The following LEKR1 variants were observed in gnomAD, a reference collection of about 807,000 sequenced individuals.
The protein encoded by LEKR1 is leucine, glutamate and lysine rich 1.
LEKR1 carries 59 observed loss-of-function variants against 72.4 expected under a neutral mutation model. The observed-to-expected ratio is 0.82, with a 90% confidence interval of 0.66 to 1.01. The LOEUF is 1.01. Ranked by LOEUF, LEKR1 falls within the 50% of genes least tolerant of loss-of-function variation. The pLI is 0.00. For synonymous variants in LEKR1, 257 were observed against 263.2 expected, an observed-to-expected ratio of 0.98 and a Z score of 0.23; for missense variants, 728 against 759.2, an observed-to-expected ratio of 0.96 and a Z score of 0.48.
At chr3:157,011,765 T>TG (rs201546101) in intron 10 of LEKR1, among the ~76,000 whole-genome samples, 1 of 151,918 alleles carries the variant, frequency 6.6e-6, no homozygotes. Context: ...GCATTTTTTT[T>TG]GCTTTTAAAT....
intron 6 of LEKR1, among the ~76,000 whole-genome samples, chr3:156,970,441 T>C (rs1048389941): frequency 3.9e-5 from 6 of 152,210 alleles, no homozygotes; most frequent in Non-Finnish European, 5.9e-5. Context: ...TAGGTTTTCT[T>C]CTAGGGTTTT....
intron 7 of LEKR1, 30 bp from the exon 8 acceptor site, chr3:156,992,623 T>C (rs868520751): frequency 5.1e-5 from 22 of 433,236 alleles, no homozygotes; most frequent in African/African-American, 4.4e-4. Context: ...TTTGAAATAA[T>C]ATATTTTAAC....
chr3:156,845,962 C>T (rs1045928488), intron 2 of LEKR1, among the ~76,000 whole-genome samples: 3 of 152,022 alleles, frequency 2.0e-5, no homozygotes, highest in Non-Finnish European at 4.4e-5. Context: ...GTATCTCTCT[C>T]CGTTTATTTA....
chr3:156,901,100 G>A (rs1439776308), intron 3 of LEKR1, among the ~76,000 whole-genome samples: 1 of 150,528 alleles, frequency 6.6e-6, no homozygotes, highest in African/African-American at 2.5e-5. Context: ...CCAGTAGCTG[G>A]GATTATACGT....
intron 6 of LEKR1, among the ~76,000 whole-genome samples, chr3:156,953,611 T>TTTTGGTG (rs1333478906): frequency 1.3e-5 from 2 of 151,276 alleles, no homozygotes; most frequent in Non-Finnish European, 3.0e-5. Context: ...GGTTTGTGGT[T>TTTTGGTG]TTTGGTGTTT....
chr3:156,905,076 G>A (rs554558344), intron 3 of LEKR1, among the ~76,000 whole-genome samples: 10 of 152,108 alleles, frequency 6.6e-5, no homozygotes, highest in South Asian at 2.1e-4. Flanking sequence ...GGAGAGGTGG[G>A]GAGAGAGAGA....
chr3:156,938,802 A>G (rs1196784438), intron 5 of LEKR1, among the ~76,000 whole-genome samples: 1 of 152,216 alleles, frequency 6.6e-6, no homozygotes, highest in Non-Finnish European at 1.5e-5. Context: ...TGTATTTGTA[A>G]TATCAGAATG....
At chr3:156,902,473 T>G (rs1722130368) in intron 3 of LEKR1, among the ~76,000 whole-genome samples, 1 of 152,176 alleles carries the variant, frequency 6.6e-6, no homozygotes, top group Admixed American at 6.5e-5. Flanking sequence ...TAATAAAATT[T>G]TAAATCTTTT....
intron 10 of LEKR1, among the ~76,000 whole-genome samples, chr3:157,018,778 T>A (rs1733587187): frequency 6.6e-6 from 1 of 152,232 alleles, no homozygotes; most frequent in African/African-American, 2.4e-5. Context: ...ATACTTCTAT[T>A]ATTCTATGTT....
At chr3:157,004,837 T>C (rs1177839674) in intron 9 of LEKR1, among the ~76,000 whole-genome samples, 1 of 151,880 alleles carries the variant, frequency 6.6e-6, no homozygotes, top group Non-Finnish European at 1.5e-5. Flanking sequence ...TAGGGACAAA[T>C]GTCTATGTGA....
chr3:156,829,924 G>A (rs1020229416), intron 2 of LEKR1, among the ~76,000 whole-genome samples: 1 of 152,026 alleles, frequency 6.6e-6, no homozygotes. Flanking sequence ...TAAGAAAAAG[G>A]CATGTCATGA....
chr3:157,026,055 GA>G (rs1027725772), intron 11 of LEKR1, among the ~76,000 whole-genome samples: 609 of 144,360 alleles, frequency 4.2e-3, no homozygotes, highest in African/African-American at 7.3e-3. Flanking sequence ...TTCTCTAAAA[GA>G]AAAAAAAAAA....
chr3:156,875,771 A>G (rs62275186), intron 3 of LEKR1, among the ~76,000 whole-genome samples: 4,832 of 152,062 alleles, frequency 0.032, 116 homozygotes, highest in Non-Finnish European at 0.047. Context: ...TGAGGTAGGC[A>G]GATCATGAGG....
intron 7 of LEKR1, among the ~76,000 whole-genome samples, chr3:156,980,721 G>A (rs1009771702): frequency 1.3e-5 from 2 of 152,194 alleles, no homozygotes; most frequent in Non-Finnish European, 2.9e-5. Context: ...GGCATAGGGA[G>A]GTGGTGTTAG....
chr3:156,889,518 C>T (rs1308090419), intron 3 of LEKR1, among the ~76,000 whole-genome samples: 1 of 152,136 alleles, frequency 6.6e-6, no homozygotes, highest in East Asian at 1.9e-4. Flanking sequence ...AATAGAGAAA[C>T]TAACTGGGGT....
intron 4 of LEKR1, chr3:156,924,580 G>A (rs961699765): frequency 1.6e-6 from 1 of 632,030 alleles, no homozygotes; most frequent in Non-Finnish European, 2.8e-6. Context: ...GTGTTTTATA[G>A]TTTTAGCTCT....
At chr3:156,905,502 C>T (rs1320926770) in intron 3 of LEKR1, among the ~76,000 whole-genome samples, 1 of 152,064 alleles carries the variant, frequency 6.6e-6, no homozygotes, top group Non-Finnish European at 1.5e-5. Flanking sequence ...TGCTACTGTT[C>T]TATACACTTG....
intron 6 of LEKR1, among the ~76,000 whole-genome samples, chr3:156,955,461 G>A (rs775466604): frequency 6.6e-6 from 1 of 151,974 alleles, no homozygotes; most frequent in South Asian, 2.1e-4. Context: ...TGCACATTCA[G>A]TATGATATTG....
At chr3:156,887,799 T>C (rs1720258321) in intron 3 of LEKR1, among the ~76,000 whole-genome samples, 1 of 152,210 alleles carries the variant, frequency 6.6e-6, no homozygotes. Context: ...CCCAACCATT[T>C]GATTAACATT....
Sources: allele counts gnomAD v4.1 joint callset (sites outside exome capture counted in the v4.1 genomes callset), GRCh38; gene constraint gnomAD v4.1.1; transcripts MANE v1.5; gene names NCBI Gene and HGNC (gene_info 2026-07-23, HGNC 2026-07-21).